The following RPF2 variants were observed in gnomAD, a reference collection of about 807,000 sequenced individuals.
RPF2 encodes the protein ribosome production factor 2 homolog.
RPF2 carries 21 observed loss-of-function variants against 38.9 expected under a neutral mutation model. That is an observed-to-expected ratio of 0.54 (90% CI 0.38 to 0.78). The LOEUF (loss-of-function observed/expected upper bound fraction) is 0.78, where lower values mean the gene tolerates loss of function less well. Ranked by LOEUF, RPF2 falls within the 30% of genes least tolerant of loss-of-function variation. RPF2 has a pLI of 0.00. For synonymous variants in RPF2, 121 were observed against 126.2 expected, an observed-to-expected ratio of 0.96 and a Z score of 0.28; for missense variants, 314 against 358.1, an observed-to-expected ratio of 0.88 and a Z score of 0.99.
chr6:111,021,951 G>A (rs1023981938), intron 8 of RPF2, among the ~76,000 whole-genome samples: 17 of 152,196 alleles, frequency 1.1e-4, no homozygotes, highest in Non-Finnish European at 2.1e-4. Context: ...CCTTTAACAT[G>A]ATCTTTTGGG....
At chr6:111,002,901 C>T (rs1028934917) in intron 6 of RPF2, among the ~76,000 whole-genome samples, 2 of 150,528 alleles carry the variant, frequency 1.3e-5, no homozygotes, top group East Asian at 2.0e-4. Flanking sequence ...CCCGAGTAGC[C>T]GGGATTACAG....
intron 7 of RPF2, among the ~76,000 whole-genome samples, chr6:111,008,557 ATC>A (rs1233029665): frequency 6.6e-6 from 1 of 151,982 alleles, no homozygotes; most frequent in Non-Finnish European, 1.5e-5. Flanking sequence ...TCCTGCACCC[ATC>A]TCCTGTCATT....
intron 8 of RPF2, among the ~76,000 whole-genome samples, chr6:111,018,309 G>T (rs551093453): frequency 6.6e-6 from 1 of 152,230 alleles, no homozygotes; most frequent in Non-Finnish European, 1.5e-5. Flanking sequence ...GGCTGACAGA[G>T]CCCACAGTTT....
intron 1 of RPF2, 179 bp downstream of exon 1, chr6:110,982,308 A>G (rs1201787656): frequency 3.0e-6 from 2 of 673,634 alleles, no homozygotes; most frequent in East Asian, 5.5e-5. Context: ...GACAGTGGGG[A>G]AGCTCTCAAG....
chr6:111,000,945 T>C (rs1771802265), intron 6 of RPF2, among the ~76,000 whole-genome samples: 1 of 152,208 alleles, frequency 6.6e-6, no homozygotes, highest in South Asian at 2.1e-4. Context: ...TTGGAAGTAT[T>C]GTAGCAAAAA....
intron 4 of RPF2, among the ~76,000 whole-genome samples, chr6:110,994,727 G>GTATATATATATA (rs147149680): frequency 0.074 from 7,840 of 105,334 alleles, 343 homozygotes; most frequent in South Asian, 0.18. Flanking sequence ...AATGGGATGA[G>GTATATATATATA]TATATATACA....
intron 8 of RPF2, among the ~76,000 whole-genome samples, chr6:111,016,347 C>T (rs1772107748): frequency 6.6e-6 from 1 of 152,130 alleles, no homozygotes; most frequent in South Asian, 2.1e-4. Context: ...AATCTCAGCA[C>T]TTTGGGAGGC....
At position 111,025,549 on chromosome 6, in the gene RPF2, C is replaced by T. The variant is rs761397718; in HGVS notation, c.888C>T (p.His296=). ...CTGCAGAAAGGATAACAGAAGACCACGAGAAAAAGTCAAAAAGAATTAAAA... is the reference window on the plus strand; with the variant it reads ...CTGCAGAAAGGATAACAGAAGACCATGAGAAAAAGTCAAAAAGAATTAAAA... The part of the protein sequence containing the change: ...KRPAERITED[H]EKKSKRIKKN Residue 296 remains histidine (H), a synonymous_variant, in exon 10 of 10, where the codon CAC becomes CAT. Transcript: ENST00000441448. 43 of 1,606,340 alleles carry T rather than the reference C, an allele frequency of 2.7e-5. No homozygotes were observed. Among genetic ancestry groups the T allele is most frequent in the East Asian group, 2.2e-5 (1 of 44,790 alleles).
intron 6 of RPF2, among the ~76,000 whole-genome samples, chr6:111,002,007 T>C (rs1771818617): frequency 6.6e-6 from 1 of 152,128 alleles, no homozygotes; most frequent in Admixed American, 6.6e-5. Flanking sequence ...CGGCTAGGCG[T>C]GCTGGCTCAC....
At chr6:110,996,285 TCTC>T (rs1201441717) in intron 4 of RPF2, among the ~76,000 whole-genome samples, 1 of 152,072 alleles carries the variant, frequency 6.6e-6, no homozygotes, top group Non-Finnish European at 1.5e-5. Context: ...TTCAAGGAAT[TCTC>T]CTGTCTAAGC....
chr6:111,015,936 C>G (rs1231151346), intron 8 of RPF2, 80 bp downstream of exon 8: 3 of 1,056,324 alleles, frequency 2.8e-6, no homozygotes, highest in Non-Finnish European at 4.4e-6. Flanking sequence ...AGAGCCCAAA[C>G]TTAGAATTGG....
intron 6 of RPF2, among the ~76,000 whole-genome samples, chr6:111,005,551 A>G (rs1226740608): frequency 6.6e-6 from 1 of 152,178 alleles, no homozygotes; most frequent in Non-Finnish European, 1.5e-5. Flanking sequence ...GAATTGGTCT[A>G]TACTTTCTAT....
At chr6:111,009,408 G>C (rs4521623) in intron 7 of RPF2, among the ~76,000 whole-genome samples, 19,540 of 151,640 alleles carry the variant, frequency 0.13, 1,721 homozygotes, top group East Asian at 0.49. Flanking sequence ...GGCCAGGCTG[G>C]TCTTGAACTC....
At chr6:110,993,764 C>A (rs1395482951) in intron 4 of RPF2, among the ~76,000 whole-genome samples, 1 of 152,124 alleles carries the variant, frequency 6.6e-6, no homozygotes, top group Non-Finnish European at 1.5e-5. Context: ...CTATCTGAAT[C>A]CCAGACCTAC....
chr6:110,983,953 T>C (rs931506647), intron 1 of RPF2, among the ~76,000 whole-genome samples: 1 of 151,910 alleles, frequency 6.6e-6, no homozygotes, highest in Non-Finnish European at 1.5e-5. Flanking sequence ...GGCGTGAACC[T>C]GGGAGACGGA....
chr6:110,986,804 T>A (rs1266616080), intron 2 of RPF2, among the ~76,000 whole-genome samples: 1 of 151,556 alleles, frequency 6.6e-6, no homozygotes, highest in Non-Finnish European at 1.5e-5. Flanking sequence ...ATGCAAAAAT[T>A]AGCCAGCCAT....
chr6:111,025,365 A>G (rs1486779529), intron 9 of RPF2, 38 bp from the exon 10 acceptor site: 5 of 1,406,566 alleles, frequency 3.6e-6, no homozygotes, highest in African/African-American at 2.9e-5. Context: ...TCATTATAGT[A>G]GAAGGCCATT....
chr6:110,999,078 A>G (rs913893631), intron 5 of RPF2, among the ~76,000 whole-genome samples: 1 of 152,160 alleles, frequency 6.6e-6, no homozygotes, highest in Non-Finnish European at 1.5e-5. Context: ...CATGTTTCTT[A>G]GAATGCCTTT....
At chr6:111,020,437 G>T (rs1041184707) in intron 8 of RPF2, among the ~76,000 whole-genome samples, 1 of 152,176 alleles carries the variant, frequency 6.6e-6, no homozygotes, top group Non-Finnish European at 1.5e-5. Flanking sequence ...GGTAACAGTA[G>T]CCTAAAACTC....
Sources: allele counts gnomAD v4.1 joint callset (sites outside exome capture counted in the v4.1 genomes callset), GRCh38; gene constraint gnomAD v4.1.1; transcripts MANE v1.5; gene names NCBI Gene and HGNC (gene_info 2026-07-23, HGNC 2026-07-21).